CAMKMT: variants seen among roughly 807,000 people sequenced by gnomAD.
CAMKMT encodes the protein CaM KMT.
In CAMKMT, 53 loss-of-function variants were observed where a neutral mutation model predicts 48.0. The ratio of observed to expected loss-of-function variants is 1.10; its 90% CI spans 0.89 to 1.39. The LOEUF is 1.39. Ranked by LOEUF, CAMKMT falls within the 40% of genes most tolerant of loss-of-function variation. The pLI is 0.00. For missense variants in CAMKMT, 428 were observed against 402.7 expected (o/e 1.06, Z -0.54); for synonymous variants, 165 against 152.3 (o/e 1.08, Z -0.61).
At chr2:44,667,800 T>C (rs1267271619) in intron 3 of CAMKMT, among the ~76,000 whole-genome samples, 1 of 152,152 alleles carries the variant, frequency 6.6e-6, no homozygotes, top group Non-Finnish European at 1.5e-5. Context: ...ACTCCAACAG[T>C]GTTTCATTTT....
At chr2:44,759,703 T>C (rs1290668912) in intron 9 of CAMKMT, among the ~76,000 whole-genome samples, 2 of 152,116 alleles carry the variant, frequency 1.3e-5, no homozygotes, top group Admixed American at 6.5e-5. Flanking sequence ...AGTCCTCAGA[T>C]GGTTTTAAGA....
chr2:44,398,414 G>A (rs912657660), intron 3 of CAMKMT, among the ~76,000 whole-genome samples: 1 of 152,146 alleles, frequency 6.6e-6, no homozygotes, highest in African/African-American at 2.4e-5. Flanking sequence ...AGAAAAATGG[G>A]CTCTCCAGGG....
At chr2:44,411,367 T>G (rs2104478366) in intron 3 of CAMKMT, among the ~76,000 whole-genome samples, 1 of 152,348 alleles carries the variant, frequency 6.6e-6, no homozygotes, top group East Asian at 1.9e-4. Context: ...AAGTGACATT[T>G]GGTTTATAAA....
In CAMKMT at chr2:44,596,554, C is replaced by A. The variant is rs139863473; in HGVS notation, c.377-107729C>A. Among the ~76,000 whole-genome samples, 5 of 152,270 alleles carry A rather than the reference C, an allele frequency of 3.3e-5. No individual in the cohort carries two copies. The East Asian group carries it at 9.6e-4, about 29-fold the overall frequency. Reference sequence around the variant, plus strand: ...TGTGGATGAATCCAGAAATCTCTAACAAGCCCCCCATCTGATTCTGTAGTA... The same window carrying A: ...TGTGGATGAATCCAGAAATCTCTAAAAAGCCCCCCATCTGATTCTGTAGTA... On this transcript the variant is annotated intron_variant, in intron 3 of 10. Coordinates refer to ENST00000378494, the MANE Select transcript of CAMKMT (RefSeq NM_024766.5).
rs78246245 is a variant in CAMKMT at position 44,701,434 on chromosome 2, C to T, written c.377-2849C>T. On this transcript the variant is annotated intron_variant, in intron 3 of 10. Transcript: ENST00000378494. ...TTATGTTGAAAAAATCCTATCTGGGCAAGGCTTTGAGGAAACAAACACTCT... is the reference window on the plus strand; with the variant it reads ...TTATGTTGAAAAAATCCTATCTGGGTAAGGCTTTGAGGAAACAAACACTCT... 5.7e-3 allele frequency among the ~76,000 whole-genome samples: 872 copies of T among 152,238 alleles called. 13 individuals carry two copies. The highest frequency in any genetic ancestry group is 0.02 in the African/African-American group (820 of 41,548).
At chr2:44,608,070 CTTTTT>C (rs10587945) in intron 3 of CAMKMT, among the ~76,000 whole-genome samples, 4 of 111,926 alleles carry the variant, frequency 3.6e-5, no homozygotes, top group African/African-American at 3.3e-5. Context: ...ATATATTTTC[CTTTTT>C]TTTTTTTTTT....
At chr2:44,612,869 C>G (rs1259875814) in intron 3 of CAMKMT, among the ~76,000 whole-genome samples, 1 of 152,172 alleles carries the variant, frequency 6.6e-6, no homozygotes, top group Non-Finnish European at 1.5e-5. Context: ...TCCTCTTTTT[C>G]TCTCTCACTC....
intron 3 of CAMKMT, among the ~76,000 whole-genome samples, chr2:44,593,558 T>C (rs1261058639): frequency 6.6e-6 from 1 of 152,198 alleles, no homozygotes; most frequent in Non-Finnish European, 1.5e-5. Context: ...TTGAGATAAT[T>C]GTTGGACTCA....
At chr2:44,525,802 G>C (rs1211774770) in intron 3 of CAMKMT, among the ~76,000 whole-genome samples, 1 of 152,078 alleles carries the variant, frequency 6.6e-6, no homozygotes, top group Non-Finnish European at 1.5e-5. Context: ...GGATCTATCA[G>C]ACCCAAAAGC....
rs372134464 is a variant in CAMKMT at position 44,693,866 on chromosome 2, C to A, written c.377-10417C>A. Among the ~76,000 whole-genome samples the A allele has an allele frequency of 5.9e-5, 9 of 152,324 alleles. 1 individual carries two copies. Among genetic ancestry groups the A allele is most frequent in the African/African-American group, 2.2e-4 (9 of 41,572 alleles). Reference sequence around the variant, plus strand: ...CTTAGCTAAGTGTGTGTTGGCCTCTCCACTTGAGTCTCAGATTTGAGAGAG... The same window carrying A: ...CTTAGCTAAGTGTGTGTTGGCCTCTACACTTGAGTCTCAGATTTGAGAGAG... On this transcript the variant is annotated intron_variant, in intron 3 of 10. Transcript: ENST00000378494.
rs753907515 is a variant in CAMKMT at position 44,618,188 on chromosome 2, T to C, written c.377-86095T>C. On this transcript the variant is annotated intron_variant, in intron 3 of 10. Transcript: ENST00000378494. This position sits in a 1 kb window ranked among gnomAD's most constrained non-coding sequence, Gnocchi z 4.0. Reference sequence around the variant, plus strand: ...CAAGTGCAAGCAGGCAAGCTGTTATTGATCAAAGAGGTTTTGTTGGGTAGC... The same window carrying C: ...CAAGTGCAAGCAGGCAAGCTGTTATCGATCAAAGAGGTTTTGTTGGGTAGC... Among the ~76,000 whole-genome samples the C allele has an allele frequency of 1.7e-4, 26 of 152,234 alleles. No individual in the cohort carries two copies. The highest frequency in any genetic ancestry group is 2.8e-4 in the Non-Finnish European group (19 of 68,040).
chr2:44,505,683 G>C (rs984119927), intron 3 of CAMKMT, among the ~76,000 whole-genome samples: 1 of 152,064 alleles, frequency 6.6e-6, no homozygotes, highest in Non-Finnish European at 1.5e-5. Context: ...GAAGGAGGCG[G>C]AAAAGGAGGA....
At chr2:44,670,578 A>T (rs1325313662) in intron 3 of CAMKMT, among the ~76,000 whole-genome samples, 1 of 152,130 alleles carries the variant, frequency 6.6e-6, no homozygotes, top group Non-Finnish European at 1.5e-5. Flanking sequence ...GTTGAGCCCC[A>T]GTGTTAAAGG....
In CAMKMT at chr2:44,720,070, G is replaced by A. The variant is rs904741190; in HGVS notation, c.623+4717G>A. 2.0e-5 allele frequency among the ~76,000 whole-genome samples: 3 copies of A among 152,120 alleles called. No homozygotes were observed. The South Asian group carries it at 6.2e-4, about 32-fold the overall frequency. On this transcript the variant is annotated intron_variant, in intron 7 of 10. Coordinates refer to ENST00000378494, the MANE Select transcript of CAMKMT (RefSeq NM_024766.5). ...ATAACACTGTTGATTTGCTTAACAG[G>A]TTTATAGATGGGCTCATATCCCTAC...
At chr2:44,615,081 C>T (rs1671811594) in intron 3 of CAMKMT, among the ~76,000 whole-genome samples, 1 of 150,292 alleles carries the variant, frequency 6.7e-6, no homozygotes, top group African/African-American at 2.4e-5. Context: ...GTGCACCCCA[C>T]ACCCGGCTAA....
chr2:44,579,183 G>T (rs539648104), intron 3 of CAMKMT, among the ~76,000 whole-genome samples: 1 of 152,048 alleles, frequency 6.6e-6, no homozygotes, highest in Admixed American at 6.5e-5. Flanking sequence ...TCAGATTAGG[G>T]CAGAAGGTTG....
intron 3 of CAMKMT, among the ~76,000 whole-genome samples, chr2:44,472,503 C>A (rs2104654780): frequency 6.6e-6 from 1 of 152,318 alleles, no homozygotes; most frequent in East Asian, 1.9e-4. Context: ...CCCCCAAAAT[C>A]CTGTTTGTAC....
At chr2:44,577,709 G>GGGAGAT (rs1333395285) in intron 3 of CAMKMT, among the ~76,000 whole-genome samples, 31 of 151,948 alleles carry the variant, frequency 2.0e-4, no homozygotes, top group African/African-American at 7.5e-4. Flanking sequence ...GAGAGGGAGA[G>GGGAGAT]GGAGATGGAG....
intron 3 of CAMKMT, among the ~76,000 whole-genome samples, chr2:44,626,606 C>G (rs1220870113): frequency 6.6e-6 from 1 of 152,172 alleles, no homozygotes; most frequent in African/African-American, 2.4e-5. Flanking sequence ...TCCTTCTCGA[C>G]TGTATCCTCA....
Sources: allele counts gnomAD v4.1 joint callset (sites outside exome capture counted in the v4.1 genomes callset), GRCh38; gene constraint gnomAD v4.1.1; non-coding constraint Gnocchi (gnomAD v3.1); transcripts MANE v1.5; gene names NCBI Gene and HGNC (gene_info 2026-07-23, HGNC 2026-07-21).